The following TMEM62 variants were observed in gnomAD, a reference collection of about 807,000 sequenced individuals.
The protein encoded by TMEM62 is transmembrane protein 62.
A neutral mutation model predicts 70.4 loss-of-function variants in TMEM62; 41 were observed. That is an observed-to-expected ratio of 0.58 (90% CI 0.45 to 0.76). The LOEUF is 0.76. Among genes scored for constraint, TMEM62 ranks in the 30% least tolerant of loss-of-function variants. The pLI, the probability that TMEM62 is intolerant of heterozygous loss-of-function variation, is 0.00. For synonymous variants in TMEM62, 268 were observed against 291.0 expected (o/e 0.92, Z 0.80); for missense variants, 688 against 788.5 (o/e 0.87, Z 1.53).
chr15:43,136,875 A>G (rs1051877303), intron 3 of TMEM62, among the ~76,000 whole-genome samples: 1 of 152,136 alleles, frequency 6.6e-6, no homozygotes, highest in Non-Finnish European at 1.5e-5. Context: ...CAGCCCCACA[A>G]GTAGCTGGGA....
At chr15:43,182,752 C>G (rs1205443332) in intron 13 of TMEM62, among the ~76,000 whole-genome samples, 2 of 152,186 alleles carry the variant, frequency 1.3e-5, no homozygotes, top group Non-Finnish European at 2.9e-5. Context: ...CTGCACCCAG[C>G]CTCATTGCAG....
rs182248747 is a variant in TMEM62, at chr15:43,158,486, A to G, written c.1183-2195A>G. ...GCTAAGTGGCCTGCAAAATTGCTGA[A>G]AACTTAACATTTGGCTCTTATGAGC... On this transcript the variant is annotated intron_variant, in intron 9 of 13. Coordinates refer to ENST00000260403, the MANE Select transcript of TMEM62 (RefSeq NM_024956.4). Among the ~76,000 whole-genome samples, 130 of 152,324 alleles carry G rather than the reference A, an allele frequency of 8.5e-4. 3 individuals carry two copies. Among genetic ancestry groups the G allele is most frequent in the East Asian group, 4.8e-3 (25 of 5,190 alleles).
chr15:43,133,834 C>T lies in TMEM62; in HGVS notation c.32C>T (p.Ala11Val). Residue 11 changes from alanine to valine, a missense_variant, in exon 1 of 14, where the codon GCG (alanine) becomes GTG (valine). Ala to Val is a moderately conservative substitution (Grantham distance 64, BLOSUM62 0). Coordinates refer to ENST00000260403, the MANE Select transcript of TMEM62 (RefSeq NM_024956.4). ...GCAGTGCTGGCTCTCAGGGTGGTCG[C>T]GGGGTTGGCGGCCGCAGCGCTGGTG... Reference protein sequence around the residue: MAAVLALRVVAGLAAAALVAM... With the variant: MAAVLALRVVVGLAAAALVAM... 6.9e-7 allele frequency: 1 copy of T among 1,455,060 alleles called. No individual in the cohort carries two copies. The highest frequency in any genetic ancestry group is 9.0e-7 in the Non-Finnish European group (1 of 1,110,876). The allele number at this position is 1,455,060 out of a possible 1,614,324, so 90.1% of individuals were successfully genotyped here. A position where few individuals can be genotyped will look rare whatever the true frequency, so the allele number is the denominator to read the frequency against.
chr15:43,135,703 G>T (rs1348873798), intron 3 of TMEM62, 54 bp downstream of exon 3: 1 of 1,512,670 alleles, frequency 6.6e-7, no homozygotes, highest in Non-Finnish European at 8.8e-7. Flanking sequence ...CCCCCTTCAG[G>T]AACCTAGATT....
chr15:43,158,842 C>G (rs72721541), intron 9 of TMEM62, among the ~76,000 whole-genome samples: 2 of 152,090 alleles, frequency 1.3e-5, no homozygotes, highest in Non-Finnish European at 2.9e-5. Flanking sequence ...GAGTCTTTTA[C>G]ATTTAGTAGT....
At chr15:43,154,854 C>T (rs1361399806) in intron 9 of TMEM62, 23 bp downstream of exon 9, 1 of 1,561,808 alleles carries the variant, frequency 6.4e-7, no homozygotes. Flanking sequence ...TTTATATTTA[C>T]TATGTAAATG....
Position 43,133,667 on chromosome 15 carries a change from C to G in TMEM62, c.-136C>G. 5.0e-6 allele frequency: 3 copies of G among 599,604 alleles called. No individual in the cohort carries two copies. The highest frequency in any genetic ancestry group is 4.9e-6 in the Non-Finnish European group (2 of 410,174). The allele number at this position is 599,604 out of a possible 1,614,324, so 37.1% of individuals were successfully genotyped here. On this transcript the variant is annotated 5_prime_UTR_variant, in exon 1 of 14. Coordinates refer to ENST00000260403, the MANE Select transcript of TMEM62 (RefSeq NM_024956.4). ...TAGGCCCAGTGTCTGGCTCCAGCCC[C>G]GCATCCGGCGCCGGCCCCGCATCCA...
intron 11 of TMEM62, among the ~76,000 whole-genome samples, chr15:43,172,659 T>G (rs1165963191): frequency 6.6e-6 from 1 of 152,190 alleles, no homozygotes; most frequent in African/African-American, 2.4e-5. Flanking sequence ...AAAAAATGTA[T>G]GCTGACAATT....
intron 4 of TMEM62, among the ~76,000 whole-genome samples, chr15:43,142,495 T>C (rs556198627): frequency 6.6e-6 from 1 of 151,900 alleles, no homozygotes; most frequent in Non-Finnish European, 1.5e-5. Flanking sequence ...AGTCAATTGA[T>C]GTAGCAAACT....
At chr15:43,135,940 A>G (rs1001523809) in intron 3 of TMEM62, among the ~76,000 whole-genome samples, 1 of 152,114 alleles carries the variant, frequency 6.6e-6, no homozygotes, top group Admixed American at 6.6e-5. Flanking sequence ...CAGGTTTGTT[A>G]CATAGGTATA....
intron 4 of TMEM62, among the ~76,000 whole-genome samples, chr15:43,139,022 A>G (rs999013495): frequency 6.6e-6 from 1 of 152,004 alleles, no homozygotes; most frequent in African/African-American, 2.4e-5. Context: ...CACTTTGCAG[A>G]TGTTGCATTT....
At chr15:43,171,754 A>G (rs954576047) in intron 11 of TMEM62, among the ~76,000 whole-genome samples, 8 of 151,378 alleles carry the variant, frequency 5.3e-5, no homozygotes, top group Non-Finnish European at 8.8e-5. Flanking sequence ...CAGCCTCCCA[A>G]GTAGATGGGA....
intron 11 of TMEM62, 42 bp downstream of exon 11, chr15:43,169,719 G>GA (rs1194449607): frequency 8.5e-6 from 13 of 1,523,582 alleles, no homozygotes; most frequent in South Asian, 1.2e-5. Context: ...CTTGTTCATG[G>GA]AAAAAACCAA....
Position 43,148,842 on chromosome 15 carries a change from A to C in TMEM62, c.706A>C (p.Ile236Leu). Residue 236 changes from isoleucine (I) to leucine (L), a missense_variant, in exon 6 of 14, where the codon ATT becomes CTT. Ile to Leu is a conservative substitution (Grantham distance 5). Coordinates refer to ENST00000260403, the MANE Select transcript of TMEM62 (RefSeq NM_024956.4). ...IWFGHFTTSTILSPSPGIRSI... is the reference protein window; with the variant it reads ...IWFGHFTTSTLLSPSPGIRSI... ...GTTTGGACACTTTACAACATCCACTATTCTTTCTCCATCACCAGGAATCCG... is the reference window on the plus strand; with the variant it reads ...GTTTGGACACTTTACAACATCCACTCTTCTTTCTCCATCACCAGGAATCCG... The C allele has an allele frequency of 6.2e-7, 1 of 1,613,968 alleles. No homozygotes were observed. The highest frequency in any genetic ancestry group is 8.5e-7 in the Non-Finnish European group (1 of 1,179,978).
intron 5 of TMEM62, among the ~76,000 whole-genome samples, chr15:43,147,763 G>A (rs1049920166): frequency 6.6e-6 from 1 of 152,108 alleles, no homozygotes; most frequent in Non-Finnish European, 1.5e-5. Flanking sequence ...CCATTCCTTA[G>A]TATAGTGTTT....
chr15:43,176,608 A>AC (rs1286703481), intron 11 of TMEM62, among the ~76,000 whole-genome samples: 6 of 152,128 alleles, frequency 3.9e-5, no homozygotes, highest in African/African-American at 1.4e-4. Flanking sequence ...ACTCCAACAG[A>AC]CCTGCAGCTG....
chr15:43,136,901 A>AC (rs1208501068), intron 3 of TMEM62, among the ~76,000 whole-genome samples: 1 of 151,878 alleles, frequency 6.6e-6, no homozygotes. Flanking sequence ...AGCATGCATC[A>AC]CCATACCCTG....
intron 9 of TMEM62, 21 bp downstream of exon 9, chr15:43,154,852 T>C: frequency 6.4e-7 from 1 of 1,569,078 alleles, no homozygotes; most frequent in Non-Finnish European, 8.6e-7. Flanking sequence ...AATTTATATT[T>C]ACTATGTAAA....
chr15:43,133,428 A>T, upstream of TMEM62: 1 of 204,094 alleles, frequency 4.9e-6, no homozygotes, highest in Non-Finnish European at 9.8e-6. Context: ...CACTGAGGTC[A>T]GGAGTGACTG....
Sources: allele counts gnomAD v4.1 joint callset (sites outside exome capture counted in the v4.1 genomes callset), GRCh38; gene constraint gnomAD v4.1.1; transcripts MANE v1.5; gene names NCBI Gene and HGNC (gene_info 2026-07-23, HGNC 2026-07-21).